Variants in FRMD4A observed in about 807,000 individuals in gnomAD.
The protein encoded by FRMD4A is FERM domain-containing protein 4A.
Under a neutral mutation model 129.1 loss-of-function variants are expected in FRMD4A, and 29 were observed. The observed-to-expected ratio is 0.22, with a 90% confidence interval of 0.17 to 0.31. FRMD4A has a LOEUF of 0.31. Among genes scored for constraint, FRMD4A ranks in the 10% least tolerant of loss-of-function variants. The pLI is 1.00. For synonymous variants in FRMD4A, 634 were observed against 571.6 expected, an observed-to-expected ratio of 1.11 and a Z score of -1.56; for missense variants, 1,272 against 1,375.8, an observed-to-expected ratio of 0.92 and a Z score of 1.19.
chr10:14,223,059 C>A (rs1843315332), intron 2 of FRMD4A, among the ~76,000 whole-genome samples: 2 of 152,190 alleles, frequency 1.3e-5, no homozygotes, highest in African/African-American at 4.8e-5. Context: ...TGCACTCCAG[C>A]CTGGGCAACA....
intron 6 of FRMD4A, among the ~76,000 whole-genome samples, chr10:13,767,572 C>T (rs1161748385): frequency 6.6e-6 from 1 of 152,148 alleles, no homozygotes; most frequent in Admixed American, 6.5e-5. Flanking sequence ...TCTGCTCAAG[C>T]AGAGGAACTA....
intron 12 of FRMD4A, chr10:13,707,863 C>G: frequency 1.0e-6 from 1 of 985,374 alleles, no homozygotes; most frequent in Non-Finnish European, 1.2e-6. Context: ...CCCTGGCGGT[C>G]ATTCCTCCTT....
At chr10:13,909,496 A>C (rs949115461) in intron 2 of FRMD4A, among the ~76,000 whole-genome samples, 1 of 152,224 alleles carries the variant, frequency 6.6e-6, no homozygotes, top group Non-Finnish European at 1.5e-5. Context: ...AACAGTTGAG[A>C]CCAGCATGGA....
At chr10:14,088,272 C>T (rs1249209077) in intron 2 of FRMD4A, among the ~76,000 whole-genome samples, 2 of 151,776 alleles carry the variant, frequency 1.3e-5, no homozygotes, top group Non-Finnish European at 2.9e-5. Flanking sequence ...CATGACGAAA[C>T]CCTGTCTCTA....
chr10:14,153,824 A>G (rs1420823570), intron 2 of FRMD4A, among the ~76,000 whole-genome samples: 1 of 152,108 alleles, frequency 6.6e-6, no homozygotes, highest in Non-Finnish European at 1.5e-5. Flanking sequence ...TTCTCATAGC[A>G]CGGCCTCCCC....
In FRMD4A at chr10:13,670,648, G is replaced by A. The variant is rs187626583; in HGVS notation, c.1252-120C>T. 5 of 867,120 alleles carry A rather than the reference G, an allele frequency of 5.8e-6. No homozygotes were observed. The African/African-American group carries it at 6.7e-5, about 12-fold the overall frequency. 53.7% of individuals were successfully genotyped at this position (867,120 alleles called of 1,614,324 possible). ...AAATGCACGCATGCACTTCGATACA[G>A]GTCAACGCTTATGCTAGAAATGTTC... On this transcript the variant is annotated intron_variant, in intron 16 of 24. Coordinates refer to ENST00000357447, the MANE Select transcript of FRMD4A (RefSeq NM_018027.5).
intron 2 of FRMD4A, among the ~76,000 whole-genome samples, chr10:13,917,926 A>G (rs925204267): frequency 5.7e-4 from 87 of 152,292 alleles, no homozygotes; most frequent in African/African-American, 2.1e-3. Context: ...GAGCTGCAGG[A>G]AAGTTCAGAG....
At chr10:14,028,047 C>T (rs1588816452) in intron 2 of FRMD4A, among the ~76,000 whole-genome samples, 1 of 152,206 alleles carries the variant, frequency 6.6e-6, no homozygotes, top group Non-Finnish European at 1.5e-5. Context: ...CAGTGCTTAT[C>T]GGTATATGAG....
At chr10:14,087,330 T>C (rs979884723) in intron 2 of FRMD4A, among the ~76,000 whole-genome samples, 4 of 147,432 alleles carry the variant, frequency 2.7e-5, no homozygotes, top group Admixed American at 6.8e-5. Context: ...CTTTATAATA[T>C]ATAAATTATA....
intron 2 of FRMD4A, among the ~76,000 whole-genome samples, chr10:13,984,320 C>T (rs2095573460): frequency 6.6e-6 from 1 of 152,194 alleles, no homozygotes; most frequent in South Asian, 2.1e-4. Context: ...GATGGAAGCA[C>T]CTACCTGTGG....
intron 6 of FRMD4A, among the ~76,000 whole-genome samples, chr10:13,768,985 ATTTTTTTT>A (rs10558942): frequency 3.9e-5 from 4 of 103,336 alleles, no homozygotes; most frequent in South Asian, 3.5e-4. Flanking sequence ...ACTTTACTAG[ATTTTTTTT>A]TTTTTTTTTT....
intron 2 of FRMD4A, among the ~76,000 whole-genome samples, chr10:13,921,940 G>A (rs1034396493): frequency 6.6e-6 from 1 of 152,212 alleles, no homozygotes; most frequent in East Asian, 1.9e-4. Context: ...CCTCCAATGT[G>A]ATGGTTTTTG....
At chr10:13,684,343 G>C in intron 15 of FRMD4A, 4 of 985,130 alleles carry the variant, frequency 4.1e-6, no homozygotes, top group Non-Finnish European at 4.8e-6. Flanking sequence ...AGTCATTTTC[G>C]GGGGCATTTG....
chr10:14,036,564 C>A (rs2131668371), intron 2 of FRMD4A, among the ~76,000 whole-genome samples: 1 of 152,312 alleles, frequency 6.6e-6, no homozygotes, highest in South Asian at 2.1e-4. Context: ...CACTTCCTAC[C>A]ATGACGGAAT....
At chr10:13,980,880 G>A (rs1026100491) in intron 2 of FRMD4A, among the ~76,000 whole-genome samples, 1 of 152,206 alleles carries the variant, frequency 6.6e-6, no homozygotes, top group Non-Finnish European at 1.5e-5. Context: ...TCTGTCTTGA[G>A]TTGGTCCATG....
chr10:13,666,304 C>T lies in FRMD4A; in HGVS notation c.1396G>A (p.Glu466Lys). The change falls in exon 18 of 25, where the codon GAA (glutamate) becomes AAA (lysine). Residue 466 changes from glutamate to lysine, a missense_variant. This residue lies in a region of FRMD4A where 972 missense variants were observed against 892.3 expected (regional missense o/e 1.09). Coordinates refer to ENST00000357447, the MANE Select transcript of FRMD4A (RefSeq NM_018027.5). The stretch of plus-strand genomic sequence containing the variant: ...TGGGACTGAATGGCAAACTCTCGTT[C>T]CAGGCGTTCCAGCTCAGCTTCCTGT... The part of the protein sequence containing the change: ...KGEEAELERL[E>K]REFAIQSQIT... 12 of 1,613,778 alleles carry T rather than the reference C, an allele frequency of 7.4e-6. No homozygotes were observed. The highest frequency in any genetic ancestry group is 1.0e-5 in the Non-Finnish European group (12 of 1,179,714).
rs536633546 is a variant in FRMD4A, at chr10:14,070,721, A to G, written c.46-211809T>C. Among the ~76,000 whole-genome samples, 118 of 152,322 alleles carry G rather than the reference A, an allele frequency of 7.7e-4. 1 individual carries two copies. The highest frequency in any genetic ancestry group is 6.8e-3 in the Middle Eastern group (2 of 294). ...ATAGATGTTTATTTAACATCTTTCT[A>G]TTAAGTGCTGGTTGTGTGCTAGACA... On this transcript the variant is annotated intron_variant, in intron 2 of 24. Transcript: ENST00000357447.
In FRMD4A at chr10:14,060,964, T is replaced by G. The variant is rs562368389; in HGVS notation, c.46-202052A>C. ...GTGGAAAGATTAGCAACAGCTTTGATTTTTATGTATAAGATTTCCTTTTCC... is the reference window on the plus strand; with the variant it reads ...GTGGAAAGATTAGCAACAGCTTTGAGTTTTATGTATAAGATTTCCTTTTCC... On this transcript the variant is annotated intron_variant, in intron 2 of 24. Coordinates refer to ENST00000357447, the MANE Select transcript of FRMD4A (RefSeq NM_018027.5). Among the ~76,000 whole-genome samples the G allele has an allele frequency of 1.1e-4, 17 of 152,270 alleles. No homozygotes were observed. The Middle Eastern group carries it at 0.014, about 122-fold the overall frequency.
At chr10:14,129,464 A>T (rs577115704) in intron 2 of FRMD4A, among the ~76,000 whole-genome samples, 38 of 137,028 alleles carry the variant, frequency 2.8e-4, no homozygotes, top group African/African-American at 9.0e-4. Context: ...CGAGCTTAAG[A>T]TCACAGATCA....
Sources: allele counts gnomAD v4.1 joint callset (sites outside exome capture counted in the v4.1 genomes callset), GRCh38; gene constraint gnomAD v4.1.1; regional missense constraint gnomAD v4.1.1; transcripts MANE v1.5; gene names NCBI Gene and HGNC (gene_info 2026-07-23, HGNC 2026-07-21).